The following TBCK variants were observed in gnomAD, a reference collection of about 807,000 sequenced individuals.
TBCK encodes the protein TBC1 domain containing kinase.
In TBCK, 99 loss-of-function variants were observed where a neutral mutation model predicts 113.4. The observed-to-expected ratio is 0.87, with a 90% CI of 0.74 to 1.03. TBCK has a LOEUF of 1.03. TBCK is among the 50% of genes least tolerant of loss of function. TBCK has a pLI of 0.00. For missense variants in TBCK, 1,045 were observed against 1,061.3 expected (o/e 0.98, Z 0.21); for synonymous variants, 369 against 370.8 (o/e 1.00, Z 0.05).
At chr4:106,244,832 T>A in intron 10 of TBCK, 68 bp from the exon 11 acceptor site, 1 of 909,738 alleles carries the variant, frequency 1.1e-6, no homozygotes, top group Non-Finnish European at 1.6e-6. Flanking sequence ...CAACAGGCAG[T>A]AATAGCTGCC....
At chr4:106,088,526 A>G (rs1739783688) in intron 25 of TBCK, among the ~76,000 whole-genome samples, 1 of 152,222 alleles carries the variant, frequency 6.6e-6, no homozygotes, top group Admixed American at 6.5e-5. Context: ...ACCATTGTAG[A>G]AGACAGTATG....
At chr4:106,050,572 C>CA (rs1204233584) in intron 25 of TBCK, among the ~76,000 whole-genome samples, 4 of 152,002 alleles carry the variant, frequency 2.6e-5, no homozygotes, top group Non-Finnish European at 5.9e-5. Context: ...CTAAATTAAG[C>CA]AATATGCCTC....
chr4:106,057,857 C>T (rs1056839733), intron 25 of TBCK, among the ~76,000 whole-genome samples: 5 of 151,760 alleles, frequency 3.3e-5, no homozygotes, highest in Non-Finnish European at 5.9e-5. Context: ...AGCTTCCTAA[C>T]AAGACTGAAA....
chr4:106,278,095 T>C (rs1253411278), intron 3 of TBCK, among the ~76,000 whole-genome samples: 2 of 152,114 alleles, frequency 1.3e-5, no homozygotes, highest in East Asian at 1.9e-4. Context: ...CATTTTTTCA[T>C]AAAATAATAG....
chr4:106,227,247 T>C (rs1464224330), intron 19 of TBCK, among the ~76,000 whole-genome samples: 2 of 152,102 alleles, frequency 1.3e-5, no homozygotes, highest in South Asian at 2.1e-4. Flanking sequence ...ATCTACACTG[T>C]AGACACAGAT....
intron 12 of TBCK, among the ~76,000 whole-genome samples, chr4:106,242,082 G>C (rs899977297): frequency 6.6e-6 from 1 of 151,800 alleles, no homozygotes; most frequent in Non-Finnish European, 1.5e-5. Context: ...ACATAGAAGA[G>C]GTAGGTGAAC....
At chr4:106,135,135 A>C (rs1175087916) in intron 23 of TBCK, among the ~76,000 whole-genome samples, 1 of 152,126 alleles carries the variant, frequency 6.6e-6, no homozygotes, top group Admixed American at 6.6e-5. Context: ...ATGAAATATC[A>C]TTTCTACCTC....
chr4:106,280,262 C>A (rs1306840298), intron 3 of TBCK, among the ~76,000 whole-genome samples: 1 of 152,038 alleles, frequency 6.6e-6, no homozygotes, highest in East Asian at 1.9e-4. Context: ...AAATCTTTTG[C>A]CCATTTTTAT....
At chr4:106,310,230 G>T (rs1768048052) in intron 1 of TBCK, 1 of 152,000 alleles carries the variant, frequency 6.6e-6, no homozygotes, top group African/African-American at 2.4e-5. Context: ...CCCTTAACAA[G>T]GAAGAAAAGA....
At chr4:106,264,176 T>C (rs1762759180) in intron 3 of TBCK, among the ~76,000 whole-genome samples, 2 of 151,978 alleles carry the variant, frequency 1.3e-5, no homozygotes, top group African/African-American at 4.8e-5. Flanking sequence ...AAAGGAAACC[T>C]ACACTCCTTT....
chr4:106,262,614 C>T (rs1026166503), intron 3 of TBCK, among the ~76,000 whole-genome samples: 1 of 151,862 alleles, frequency 6.6e-6, no homozygotes, highest in African/African-American at 2.4e-5. Context: ...CCTAAGCCCC[C>T]GAAAAAAGTA....
intron 24 of TBCK, among the ~76,000 whole-genome samples, chr4:106,105,746 A>G (rs1236089180): frequency 1.3e-5 from 2 of 151,954 alleles, no homozygotes; most frequent in Non-Finnish European, 2.9e-5. Context: ...TCCAGAAAAT[A>G]AGTCTATTGA....
At chr4:106,047,908 C>A (rs1343352205) in intron 25 of TBCK, among the ~76,000 whole-genome samples, 1 of 152,144 alleles carries the variant, frequency 6.6e-6, no homozygotes, top group African/African-American at 2.4e-5. Flanking sequence ...ACTGTCTCTA[C>A]TAAAACCTGA....
Position 106,194,508 on chromosome 4 carries a change from C to A in TBCK, c.1897+210G>T, listed in dbSNP as rs17273445. Among the ~76,000 whole-genome samples, 28,342 of 151,560 alleles carry A rather than the reference C, an allele frequency of 0.19. 2,665 individuals are homozygous for A. The highest frequency in any genetic ancestry group is 0.25 in the South Asian group (1,210 of 4,812). On this transcript the variant is annotated intron_variant, in intron 21 of 25. Transcript: ENST00000394708. ...AGTTTGTACAAATATCATGAAATGT[C>A]CAATAGGTTTTTATTTTATAGAATT...
intron 23 of TBCK, among the ~76,000 whole-genome samples, chr4:106,130,987 A>T (rs192607096): frequency 6.6e-6 from 1 of 152,278 alleles, no homozygotes; most frequent in East Asian, 1.9e-4. Flanking sequence ...ATTGATATGG[A>T]CTAGCTGGGT....
At position 106,160,558 on chromosome 4, in the gene TBCK, C is replaced by G. The variant is rs535065376; in HGVS notation, c.2235+10537G>C. The stretch of plus-strand genomic sequence containing the variant: ...AAATCAAAACTACAATGAGATTCCA[C>G]TGCACATTTATTATTCAAAAAAAAG... On this transcript the variant is annotated intron_variant, in intron 23 of 25. Coordinates refer to ENST00000394708, the MANE Select transcript of TBCK (RefSeq NM_001163435.3). Among the ~76,000 whole-genome samples, 20 of 151,594 alleles carry G rather than the reference C, an allele frequency of 1.3e-4. 1 individual carries two copies. Among genetic ancestry groups the G allele is most frequent in the South Asian group, 6.3e-4 (3 of 4,796 alleles).
chr4:106,269,261 A>G (rs1763264461), intron 3 of TBCK, among the ~76,000 whole-genome samples: 1 of 152,198 alleles, frequency 6.6e-6, no homozygotes, highest in African/African-American at 2.4e-5. Context: ...ATTCTGTGCT[A>G]TCTTCAAAGA....
At chr4:106,133,649 A>G (rs192446656) in intron 23 of TBCK, among the ~76,000 whole-genome samples, 1 of 152,350 alleles carries the variant, frequency 6.6e-6, no homozygotes, top group African/African-American at 2.4e-5. Flanking sequence ...TTTTAAATAA[A>G]CTGATGTTTA....
intron 22 of TBCK, among the ~76,000 whole-genome samples, chr4:106,188,821 A>G (rs1753330423): frequency 6.6e-6 from 1 of 152,216 alleles, no homozygotes; most frequent in Admixed American, 6.5e-5. Context: ...AAGAGCAACA[A>G]TTAGGTTAGT....
Sources: allele counts gnomAD v4.1 joint callset (sites outside exome capture counted in the v4.1 genomes callset), GRCh38; gene constraint gnomAD v4.1.1; transcripts MANE v1.5; gene names NCBI Gene and HGNC (gene_info 2026-07-23, HGNC 2026-07-21).